TAT: variants seen among roughly 807,000 people sequenced by gnomAD.
TAT encodes the protein L-tyrosine:2-oxoglutarate aminotransferase.
Under a neutral mutation model 53.6 loss-of-function variants are expected in TAT, and 35 were observed. The observed-to-expected ratio is 0.65, with a 90% CI of 0.50 to 0.87. The LOEUF (loss-of-function observed/expected upper bound fraction) is 0.87. Ranked by LOEUF, TAT falls within the 40% of genes least tolerant of loss-of-function variation. The probability of loss-of-function intolerance (pLI) is 0.00; values close to 1 mark genes in which losing one functional copy is unlikely to be tolerated. For missense variants in TAT, 525 were observed against 571.8 expected, an observed-to-expected ratio of 0.92 and a Z score of 0.83; for synonymous variants, 197 against 206.5, an observed-to-expected ratio of 0.95 and a Z score of 0.39.
Position 71,576,196 on chromosome 16 carries a change from T to G in TAT, c.220A>C (p.Ile74Leu), listed in dbSNP as rs2044233878. 1 of 1,613,982 alleles carries G rather than the reference T, an allele frequency of 6.2e-7. No homozygotes were observed. Among genetic ancestry groups the G allele is most frequent in the Non-Finnish European group, 8.5e-7 (1 of 1,179,948 alleles). The change falls in exon 2 of 12, where the codon ATT becomes CTT. Residue 74 changes from isoleucine to leucine, a missense_variant. Coordinates refer to ENST00000355962, the MANE Select transcript of TAT (RefSeq NM_000353.3). ...CCCAACTCACCAATGGACAGGGAAATCATGGTTTTGTTTGGATTTGGTTTC... is the reference window on the plus strand; with the variant it reads ...CCCAACTCACCAATGGACAGGGAAAGCATGGTTTTGTTTGGATTTGGTTTC... ...KVKPNPNKTM[I>L]SLSIGDPTVF...
At chr16:71,572,768 G>T in intron 4 of TAT, 80 bp from the exon 5 acceptor site, 2 of 1,532,666 alleles carry the variant, frequency 1.3e-6, no homozygotes, top group Non-Finnish European at 1.8e-6. Context: ...TGGGTGAGTT[G>T]GGAGCAATTG....
intron 11 of TAT, 182 bp from the exon 12 acceptor site, chr16:71,568,466 G>A: frequency 5.8e-6 from 4 of 695,652 alleles, no homozygotes; most frequent in South Asian, 1.8e-5. Flanking sequence ...AATGACTTGT[G>A]GGACAGGATC....
intron 3 of TAT, among the ~76,000 whole-genome samples, chr16:71,574,576 C>G (rs1391800130): frequency 9.6e-6 from 1 of 103,784 alleles, no homozygotes; most frequent in Non-Finnish European, 1.8e-5. Context: ...GCGAAAACTT[C>G]GTCTCAAAAA....
chr16:71,576,052 G>A (rs2044232800), intron 2 of TAT, 26 bp from the exon 3 acceptor site: 4 of 1,613,256 alleles, frequency 2.5e-6, no homozygotes, highest in African/African-American at 2.7e-5. Flanking sequence ...AAACACAAAA[G>A]GAGCCAAGAG....
Position 71,568,091 on chromosome 16 carries a change from C to A in TAT, c.*53G>T. On this transcript the variant is annotated 3_prime_UTR_variant, in exon 12 of 12. Transcript: ENST00000355962. ...CCTGAGTCCCTGAGGAGCCGCAAGG[C>A]CTAGTCCAGCCTTCCCTAGATGGGA... 1 of 1,612,994 alleles carries A rather than the reference C, an allele frequency of 6.2e-7. No homozygotes were observed. The highest frequency in any genetic ancestry group is 2.2e-5 in the East Asian group (1 of 44,876).
rs745381022 is a variant in TAT at position 71,576,159 on chromosome 16, C to T, written c.235+22G>A. ...GAGTAGAGGAGGACAATGACAGCCCCTCAGTAGTGTCCCCAACTCACCAAT... is the reference window on the plus strand; with the variant it reads ...GAGTAGAGGAGGACAATGACAGCCCTTCAGTAGTGTCCCCAACTCACCAAT... On this transcript the variant is annotated intron_variant, in intron 2 of 11. Coordinates refer to ENST00000355962, the MANE Select transcript of TAT (RefSeq NM_000353.3). The T allele has an allele frequency of 2.5e-6, 4 of 1,612,390 alleles. No homozygotes were observed. The South Asian group carries it at 3.3e-5, about 13-fold the overall frequency.
intron 2 of TAT, 68 bp from the exon 3 acceptor site, chr16:71,576,094 C>T: frequency 6.2e-7 from 1 of 1,606,672 alleles, no homozygotes; most frequent in Non-Finnish European, 8.5e-7. Context: ...CTCAGACTCA[C>T]CCCCAACTGC....
In TAT at chr16:71,565,701, G is replaced by GCACGCACACACACA. The variant is rs1555537258; in HGVS notation, c.*2442_*2443insTGTGTGTGTGCGTG. 4.0e-5 allele frequency: 6 copies of GCACGCACACACACA among 148,934 alleles called. No individual in the cohort carries two copies. The highest frequency in any genetic ancestry group is 1.3e-4 in the African/African-American group (5 of 39,956). The allele number at this position is 148,934 out of a possible 1,614,324, so 9.2% of individuals were successfully genotyped here. A position where few individuals can be genotyped will look rare whatever the true frequency, so the allele number is the denominator to read the frequency against. On this transcript the variant is annotated 3_prime_UTR_variant, in exon 12 of 12. Transcript: ENST00000355962. ...TACTTTATTTGAAAAAATGAAAAGT[G>GCACGCACACACACA]CACACACACACACACACACACACAC...
In TAT at chr16:71,568,261, G is replaced by C. The variant is rs1179266660; in HGVS notation, c.1248C>G (p.Ile416Met). Residue 416 changes from isoleucine (I) to methionine (M), a missense_variant, in exon 12 of 12, where the codon ATC (isoleucine) becomes ATG (methionine). Physicochemically the swap from Ile to Met is conservative, Grantham distance 10 (BLOSUM62 1). Coordinates refer to ENST00000355962, the MANE Select transcript of TAT (RefSeq NM_000353.3). ...CCTCGGGGACTGTGATGACCACTCG[G>C]ATGAAATTCGGGTACTCAAAGCACT... ...PATCFEYPNF[I>M]RVVITVPEVM... The C allele has an allele frequency of 1.9e-6, 3 of 1,614,078 alleles. No homozygotes were observed. Among genetic ancestry groups the C allele is most frequent in the Admixed American group, 1.7e-5 (1 of 60,008 alleles).
rs748868700 is a variant in TAT, at chr16:71,570,745, C to T, written c.846G>A (p.Trp282Ter). Residue 282 changes from tryptophan (W) to a stop codon, truncating the protein, a stop_gained, in exon 8 of 12, where the codon TGG becomes TGA. Transcript: ENST00000355962. LOFTEE classifies it high-confidence loss of function. ...ILSCGGLAKRWLVPGWRLGWI... is the reference protein window; with the variant it reads ...ILSCGGLAKR ...AGCCCAACCTCCAGCCAGGAACCAG[C>T]CAGCGCTTGGCCAGCCCTCCACAGG... The T allele has an allele frequency of 1.9e-6, 3 of 1,614,226 alleles. No homozygotes were observed. The highest frequency in any genetic ancestry group is 2.5e-6 in the Non-Finnish European group (3 of 1,180,036).
Position 71,568,119 on chromosome 16 carries a change from C to T in TAT, c.*25G>A, listed in dbSNP as rs747678823. 1.4e-5 allele frequency: 22 copies of T among 1,614,170 alleles called. No individual in the cohort carries two copies. In the East Asian group the frequency reaches 2.9e-4, roughly 21 times the overall value. On this transcript the variant is annotated 3_prime_UTR_variant, in exon 12 of 12. Coordinates refer to ENST00000355962, the MANE Select transcript of TAT (RefSeq NM_000353.3). ...AGTCCAGCCTTCCCTAGATGGGACA[C>T]ATCCTCAGGAGAATGGATGCAGGCC...
At chr16:71,576,128 A>T (rs1479701694) in intron 2 of TAT, 53 bp downstream of exon 2, 1 of 1,609,152 alleles carries the variant, frequency 6.2e-7, no homozygotes, top group South Asian at 1.1e-5. Flanking sequence ...CAGCCTGTGA[A>T]CATGAGAGTA....
intron 7 of TAT, 122 bp downstream of exon 7, chr16:71,571,484 A>G: frequency 2.2e-6 from 2 of 909,412 alleles, no homozygotes; most frequent in South Asian, 2.9e-5. Flanking sequence ...ATTTGTAAAA[A>G]GTGCAGGGAT....
In TAT at chr16:71,566,817, A is replaced by C. The variant is rs2044165869; in HGVS notation, c.*1327T>G. ...GGAGTGCCTGGGATTAGAAATTCCC[A>C]AACGGAGAAAAAAACACATCACAGA... On this transcript the variant is annotated 3_prime_UTR_variant, in exon 12 of 12. Coordinates refer to ENST00000355962, the MANE Select transcript of TAT (RefSeq NM_000353.3). The C allele has an allele frequency of 6.6e-6, 1 of 152,046 alleles. No homozygotes were observed. Among genetic ancestry groups the C allele is most frequent in the African/African-American group, 2.4e-5 (1 of 41,416 alleles). 9.4% of individuals were successfully genotyped at this position (152,046 alleles called of 1,614,324 possible). A position where few individuals can be genotyped will look rare whatever the true frequency, so the allele number is the denominator to read the frequency against.
chr16:71,572,095 G>C, intron 6 of TAT, 91 bp downstream of exon 6: 1 of 1,559,834 alleles, frequency 6.4e-7, no homozygotes, highest in Non-Finnish European at 8.8e-7. Flanking sequence ...CCCAGGCTTG[G>C]AACTTAGGGA....
At chr16:71,572,723 G>T (rs1016094334) in intron 4 of TAT, 35 bp from the exon 5 acceptor site, 2 of 1,613,442 alleles carry the variant, frequency 1.2e-6, no homozygotes, top group Non-Finnish European at 8.5e-7. Context: ...TTCATTAGGG[G>T]TTCCAACAGC....
At position 71,568,210 on chromosome 16, in the gene TAT, C is replaced by G. The variant is rs765229505; in HGVS notation, c.1299G>C (p.Arg433=). ...AGTGCTGCTCACAGAACTCCTGGAT[C>G]CGGCTGCACGCCTCCAGCATCATCA... ...PEVMMLEACS[R]IQEFCEQHYH... is the part of the protein sequence containing the mutation. Residue 433 remains arginine, a synonymous_variant, in exon 12 of 12, where the codon CGG becomes CGC. Coordinates refer to ENST00000355962, the MANE Select transcript of TAT (RefSeq NM_000353.3). 2 of 1,614,210 alleles carry G rather than the reference C, an allele frequency of 1.2e-6. No homozygotes were observed. Among genetic ancestry groups the G allele is most frequent in the South Asian group, 2.2e-5 (2 of 91,078 alleles).
chr16:71,576,520 T>C (rs1363192949), intron 1 of TAT, 93 bp from the exon 2 acceptor site: 1 of 1,049,846 alleles, frequency 9.5e-7, no homozygotes, highest in African/African-American at 1.6e-5. Context: ...GTGACTTCAC[T>C]AAAAGTGTCT....
At chr16:71,572,441 T>C in intron 5 of TAT, 89 bp downstream of exon 5, 1 of 1,607,744 alleles carries the variant, frequency 6.2e-7, no homozygotes, top group African/African-American at 1.3e-5. Flanking sequence ...AACCACCACT[T>C]TGAGACCTTC....
Sources: allele counts gnomAD v4.1 joint callset (sites outside exome capture counted in the v4.1 genomes callset), GRCh38; gene constraint gnomAD v4.1.1; transcripts MANE v1.5; gene names NCBI Gene and HGNC (gene_info 2026-07-23, HGNC 2026-07-21).